The following ZNF407 variants were observed in gnomAD, a reference collection of about 807,000 sequenced individuals.
The protein encoded by ZNF407 is zinc finger protein 407.
In ZNF407, 17 loss-of-function variants were observed where a neutral mutation model predicts 131.2. The observed-to-expected ratio is 0.13, with a 90% CI of 0.09 to 0.19. The LOEUF (loss-of-function observed/expected upper bound fraction) is 0.19, where lower values mean the gene tolerates loss of function less well. ZNF407 is among the 10% of genes least tolerant of loss of function. The pLI is 1.00. For synonymous variants in ZNF407, 1,156 were observed against 1,062.0 expected (o/e 1.09, Z -1.72); for missense variants, 2,681 against 2,830.6 (o/e 0.95, Z 1.20).
At chr18:75,047,607 A>C (rs928436403) in intron 8 of ZNF407, among the ~76,000 whole-genome samples, 1 of 152,226 alleles carries the variant, frequency 6.6e-6, no homozygotes, top group African/African-American at 2.4e-5. Context: ...TAAGACTTTC[A>C]GATATTTTAG....
At chr18:74,869,651 G>A (rs1455963580) in intron 4 of ZNF407, among the ~76,000 whole-genome samples, 3 of 152,144 alleles carry the variant, frequency 2.0e-5, no homozygotes, top group African/African-American at 7.2e-5. Context: ...AGGGGCAGAA[G>A]TGGGGGGATT....
intron 3 of ZNF407, among the ~76,000 whole-genome samples, chr18:74,753,666 G>C (rs1968859939): frequency 6.6e-6 from 1 of 152,208 alleles, no homozygotes; most frequent in Admixed American, 6.5e-5. Context: ...TTATTGATTT[G>C]TGTATGTTGA....
chr18:75,012,812 A>G (rs1972996036), intron 8 of ZNF407, among the ~76,000 whole-genome samples: 1 of 152,078 alleles, frequency 6.6e-6, no homozygotes, highest in Non-Finnish European at 1.5e-5. Context: ...TGGTTTATTC[A>G]TTAAAATCTT....
intron 4 of ZNF407, among the ~76,000 whole-genome samples, chr18:74,784,202 T>G (rs1969662070): frequency 6.6e-6 from 1 of 152,248 alleles, no homozygotes; most frequent in Non-Finnish European, 1.5e-5. Context: ...AAGCTTGCTG[T>G]ATTTTAATTT....
At chr18:74,953,672 T>A (rs949411329) in intron 8 of ZNF407, among the ~76,000 whole-genome samples, 1 of 152,220 alleles carries the variant, frequency 6.6e-6, no homozygotes, top group Non-Finnish European at 1.5e-5. Context: ...TGTACTTAAT[T>A]GAAAATATGT....
At chr18:74,902,942 C>T (rs1281651571) in intron 7 of ZNF407, among the ~76,000 whole-genome samples, 1 of 152,130 alleles carries the variant, frequency 6.6e-6, no homozygotes, top group Non-Finnish European at 1.5e-5. Context: ...ATGGATCACC[C>T]ACCAGTGCCT....
intron 4 of ZNF407, among the ~76,000 whole-genome samples, chr18:74,820,250 T>C (rs1970322345): frequency 6.6e-6 from 1 of 152,156 alleles, no homozygotes; most frequent in South Asian, 2.1e-4. Context: ...GCAGCAGGTG[T>C]CCCAGGAGCT....
At chr18:74,870,910 A>G (rs777959588) in intron 4 of ZNF407, among the ~76,000 whole-genome samples, 3 of 152,208 alleles carry the variant, frequency 2.0e-5, no homozygotes, top group Admixed American at 6.5e-5. Flanking sequence ...ATTTGGGTAT[A>G]TTTAATGTGG....
chr18:74,813,087 A>T (rs1270308317), intron 4 of ZNF407, among the ~76,000 whole-genome samples: 1 of 152,102 alleles, frequency 6.6e-6, no homozygotes, highest in Non-Finnish European at 1.5e-5. Flanking sequence ...ACAGGCCCCG[A>T]TGGTGTGATA....
At chr18:74,987,240 T>C (rs1268928438) in intron 8 of ZNF407, among the ~76,000 whole-genome samples, 1 of 152,116 alleles carries the variant, frequency 6.6e-6, no homozygotes, top group Non-Finnish European at 1.5e-5. Flanking sequence ...AAGCTTTTAA[T>C]CCATACATAG....
intron 3 of ZNF407, among the ~76,000 whole-genome samples, chr18:74,769,945 G>T (rs1489965263): frequency 6.6e-6 from 1 of 152,232 alleles, no homozygotes; most frequent in African/African-American, 2.4e-5. Flanking sequence ...TGAGGGGTGA[G>T]TGTGGTCTGT....
chr18:75,047,947 A>AT (rs1973454492), intron 8 of ZNF407, among the ~76,000 whole-genome samples: 1 of 152,210 alleles, frequency 6.6e-6, no homozygotes. Context: ...AAACACATGA[A>AT]TGTCTGTATT....
chr18:75,024,915 C>T (rs1415423490), intron 8 of ZNF407, among the ~76,000 whole-genome samples: 1 of 152,144 alleles, frequency 6.6e-6, no homozygotes, highest in Admixed American at 6.5e-5. Flanking sequence ...ACCAACCAGA[C>T]TAGGTTGTAC....
rs1457812157 is a variant in ZNF407 at position 74,920,558 on chromosome 18, G to T, written c.5294G>T (p.Gly1765Val). ...ATCCGCAAACACATTCTGCATACTGGCAAACATGAAGGAGTCAAGATGTAC... is the reference window on the plus strand; with the variant it reads ...ATCCGCAAACACATTCTGCATACTGTCAAACATGAAGGAGTCAAGATGTAC... Reference protein sequence around the residue: ...ENIRKHILHTGKHEGVKMYNC... With the variant: ...ENIRKHILHTVKHEGVKMYNC... The change falls in exon 8 of 9, where the codon GGC becomes GTC. Residue 1765 changes from glycine to valine, a missense_variant. Around this residue, in one of 6 missense-constraint regions of ZNF407, gnomAD observed 39 missense variants for 91.8 expected, o/e 0.42. Coordinates refer to ENST00000299687, the MANE Select transcript of ZNF407 (RefSeq NM_017757.3). 2 of 1,595,664 alleles carry T rather than the reference G, an allele frequency of 1.3e-6. No individual in the cohort carries two copies. The highest frequency in any genetic ancestry group is 1.7e-6 in the Non-Finnish European group (2 of 1,165,152).
At chr18:74,975,953 G>A (rs895632528) in intron 8 of ZNF407, among the ~76,000 whole-genome samples, 7 of 152,112 alleles carry the variant, frequency 4.6e-5, no homozygotes, top group African/African-American at 1.7e-4. Flanking sequence ...CCAATTTATT[G>A]TCTCTCGTTC....
At chr18:74,951,993 T>C (rs952209972) in intron 8 of ZNF407, among the ~76,000 whole-genome samples, 2 of 152,060 alleles carry the variant, frequency 1.3e-5, no homozygotes, top group Admixed American at 6.6e-5. Context: ...AAAGTAGTGA[T>C]CCCTGGCACA....
intron 1 of ZNF407, among the ~76,000 whole-genome samples, chr18:74,618,794 T>G (rs1443702409): frequency 6.6e-6 from 1 of 152,224 alleles, no homozygotes; most frequent in Non-Finnish European, 1.5e-5. Flanking sequence ...ACAAATGGAC[T>G]TGGATAGAAC....
In ZNF407 at chr18:74,634,886, T is replaced by C; in HGVS notation, c.3867T>C (p.His1289=). Residue 1289 remains histidine, a synonymous_variant, in exon 2 of 9, where the codon CAT becomes CAC. Transcript: ENST00000299687. ...SGGQNRVARG[H]GLEDLKGVQE... ...GTCAGAACAGAGTTGCACGTGGGCATGGTTTGGAAGACTTGAAAGGTGTCC... is the reference window on the plus strand; with the variant it reads ...GTCAGAACAGAGTTGCACGTGGGCACGGTTTGGAAGACTTGAAAGGTGTCC... 5 of 1,613,602 alleles carry C rather than the reference T, an allele frequency of 3.1e-6. No homozygotes were observed. The highest frequency in any genetic ancestry group is 3.4e-6 in the Non-Finnish European group (4 of 1,179,716).
At chr18:74,733,680 T>C (rs979116393) in intron 3 of ZNF407, among the ~76,000 whole-genome samples, 4 of 152,214 alleles carry the variant, frequency 2.6e-5, no homozygotes, top group African/African-American at 9.6e-5. Flanking sequence ...GAATGTCTTT[T>C]GTCATCTACA....
Sources: allele counts gnomAD v4.1 joint callset (sites outside exome capture counted in the v4.1 genomes callset), GRCh38; gene constraint gnomAD v4.1.1; regional missense constraint gnomAD v4.1.1; transcripts MANE v1.5; gene names NCBI Gene and HGNC (gene_info 2026-07-23, HGNC 2026-07-21).